The following CHRDL2 variants were observed in gnomAD, a reference collection of about 807,000 sequenced individuals.
CHRDL2 encodes chordin like 2.
CHRDL2 carries 41 observed loss-of-function variants against 54.3 expected under a neutral mutation model. The observed-to-expected ratio is 0.76, with a 90% CI of 0.59 to 0.98. The LOEUF is 0.98. Ranked by LOEUF, CHRDL2 falls within the 50% of genes least tolerant of loss-of-function variation. The pLI, the probability that CHRDL2 is intolerant of heterozygous loss-of-function variation, is 0.00. For synonymous variants in CHRDL2, 220 were observed against 224.3 expected (o/e 0.98, Z 0.17); for missense variants, 518 against 562.4 (o/e 0.92, Z 0.80).
intron 1 of CHRDL2, among the ~76,000 whole-genome samples, chr11:74,725,212 C>T (rs536529148): frequency 2.0e-5 from 3 of 152,236 alleles, no homozygotes; most frequent in South Asian, 2.1e-4. Context: ...AAGATGATCT[C>T]GATCTCTTGA....
Position 74,702,902 on chromosome 11 carries a change from C to T in CHRDL2, c.1012G>A (p.Val338Ile). ...STRCPKAPGR[V>I]LVHTSVSPSP... ...GGGGATACCGATGTGTGGACGAGGA[C>T]CCGGCCCGGTGCCTTGGGACACCTG... is the stretch of plus-strand genomic sequence containing the variant. Residue 338 changes from valine (V) to isoleucine (I), a missense_variant, in exon 9 of 11, where the codon GTC becomes ATC. Coordinates refer to ENST00000376332, the MANE Select transcript of CHRDL2 (RefSeq NM_001278473.3). The T allele has an allele frequency of 1.9e-6, 3 of 1,614,126 alleles. No homozygotes were observed. The South Asian group carries it at 3.3e-5, about 18-fold the overall frequency.
rs146233176 is a variant in CHRDL2 at position 74,710,934 on chromosome 11, G to T, written c.347C>A (p.Thr116Asn). Residue 116 changes from threonine (T) to asparagine (N), a missense_variant, in exon 4 of 11, where the codon ACC (threonine) becomes AAC (asparagine). Coordinates refer to ENST00000376332, the MANE Select transcript of CHRDL2 (RefSeq NM_001278473.3). ...APPKSCQHNG[T>N]MYQHGEIFSA... ...GAAGATCTCTCCGTGTTGGTACATGGTCCCGTTGTGCTGGCAGGACTTTGG... is the reference window on the plus strand; with the variant it reads ...GAAGATCTCTCCGTGTTGGTACATGTTCCCGTTGTGCTGGCAGGACTTTGG... 8.1e-6 allele frequency: 13 copies of T among 1,614,046 alleles called. No individual in the cohort carries two copies. The African/African-American group carries it at 1.6e-4, about 20-fold the overall frequency.
At chr11:74,728,501 G>A (rs1661086235) in intron 1 of CHRDL2, among the ~76,000 whole-genome samples, 1 of 150,922 alleles carries the variant, frequency 6.6e-6, no homozygotes, top group South Asian at 2.1e-4. Context: ...GACAAATCAG[G>A]GTCCAGGACC....
chr11:74,709,936 G>T (rs977211252), intron 4 of CHRDL2, among the ~76,000 whole-genome samples: 4 of 152,206 alleles, frequency 2.6e-5, no homozygotes, highest in African/African-American at 7.2e-5. Flanking sequence ...GACATGCTGG[G>T]CTGGGCGCGG....
intron 5 of CHRDL2, among the ~76,000 whole-genome samples, chr11:74,707,565 G>C (rs756898884): frequency 1.4e-4 from 21 of 152,150 alleles, no homozygotes; most frequent in Non-Finnish European, 2.5e-4. Flanking sequence ...ACTGTGACCA[G>C]CTCTGCCGTC....
In CHRDL2 at chr11:74,706,538, C is replaced by T. The variant is rs1214753343; in HGVS notation, c.531G>A (p.Glu177=). 31 of 1,613,982 alleles carry T rather than the reference C, an allele frequency of 1.9e-5. No homozygotes were observed. The highest frequency in any genetic ancestry group is 1.0e-4 in the Admixed American group (6 of 60,002). ...PDSCCQACKD[E]ASEQSDEEDS... ...CCTCTTCATCCGATTGCTCACTTGC[C>T]TCATCTGAAAACTCAAAGGGAAGCT... The change falls in exon 6 of 11, where the codon GAG becomes GAA. Residue 177 remains glutamate (E), a synonymous_variant. Transcript: ENST00000376332.
chr11:74,730,439 T>C (rs2034633893), intron 1 of CHRDL2, among the ~76,000 whole-genome samples: 1 of 152,198 alleles, frequency 6.6e-6, no homozygotes, highest in African/African-American at 2.4e-5. Flanking sequence ...TTCTGTCCAA[T>C]GGCTCTTTCC....
Position 74,711,000 on chromosome 11 carries a change from G to A in CHRDL2, c.290-9C>T, listed in dbSNP as rs2034176888. 4 of 1,608,912 alleles carry A rather than the reference G, an allele frequency of 2.5e-6. No individual in the cohort carries two copies. In the East Asian group the frequency reaches 8.9e-5, roughly 36 times the overall value. On this transcript the variant is annotated splice_polypyrimidine_tract_variant and intron_variant, in intron 3 of 10. Coordinates refer to ENST00000376332, the MANE Select transcript of CHRDL2 (RefSeq NM_001278473.3). ...AGAGGGAGTGTGAGGTTCTGCAGTGGGGGAGGGGCAGGAGGAAGAAGAAAA... is the reference window on the plus strand; with the variant it reads ...AGAGGGAGTGTGAGGTTCTGCAGTGAGGGAGGGGCAGGAGGAAGAAGAAAA...
chr11:74,712,053 G>A (rs144315627), intron 3 of CHRDL2, among the ~76,000 whole-genome samples: 3,132 of 151,942 alleles, frequency 0.021, 98 homozygotes, highest in African/African-American at 0.072. Context: ...CTTGTGATCC[G>A]CCCGCCTCGG....
At chr11:74,721,440 C>T (rs2034498334) in intron 1 of CHRDL2, among the ~76,000 whole-genome samples, 1 of 152,210 alleles carries the variant, frequency 6.6e-6, no homozygotes, top group Non-Finnish European at 1.5e-5. Flanking sequence ...GAGGCCCCTT[C>T]CCCCCACCAA....
At chr11:74,724,153 C>G (rs183201036) in intron 1 of CHRDL2, among the ~76,000 whole-genome samples, 22 of 152,338 alleles carry the variant, frequency 1.4e-4, no homozygotes, top group African/African-American at 4.8e-4. Flanking sequence ...TAGGAACATG[C>G]CTGAGCTGGA....
At chr11:74,704,207 G>A (rs4944940) in intron 7 of CHRDL2, among the ~76,000 whole-genome samples, 5,812 of 152,212 alleles carry the variant, frequency 0.038, 134 homozygotes, top group South Asian at 0.057. Context: ...GCAAAGACTC[G>A]GTAGATGCTA....
intron 9 of CHRDL2, chr11:74,698,700 CACACACACACACACACACACA>C (rs1565145977): frequency 2.0e-5 from 3 of 153,260 alleles, no homozygotes; most frequent in African/African-American, 7.3e-5. Flanking sequence ...CACACACACA[CACACACACACACACACACACA>C]CCCCACATAC....
intron 5 of CHRDL2, among the ~76,000 whole-genome samples, chr11:74,708,033 C>T (rs1161880431): frequency 6.6e-6 from 1 of 152,196 alleles, no homozygotes; most frequent in East Asian, 1.9e-4. Context: ...AGCCCCTGGA[C>T]ATATTCCTGT....
intron 2 of CHRDL2, among the ~76,000 whole-genome samples, chr11:74,716,540 CAAAAAAAAAA>C (rs751918696): frequency 0.021 from 1,203 of 57,664 alleles, 8 homozygotes; most frequent in Non-Finnish European, 0.031. Flanking sequence ...ACTCCATCTC[CAAAAAAAAAA>C]AAAAAAAAAG....
At chr11:74,723,782 C>T (rs1826778807) in intron 1 of CHRDL2, among the ~76,000 whole-genome samples, 1 of 152,134 alleles carries the variant, frequency 6.6e-6, no homozygotes, top group African/African-American at 2.4e-5. Flanking sequence ...AGAGGGATGG[C>T]AACAGAATTC....
At chr11:74,702,154 G>A (rs879447686) in intron 9 of CHRDL2, among the ~76,000 whole-genome samples, 4 of 152,056 alleles carry the variant, frequency 2.6e-5, no homozygotes, top group African/African-American at 7.3e-5. Context: ...TACTCAGGAG[G>A]CTGAGATGGG....
In CHRDL2 at chr11:74,702,820, T is replaced by G. The variant is rs757341134; in HGVS notation, c.1094A>C (p.Glu365Ala). Residue 365 changes from glutamate (E) to alanine (A), a missense_variant, in exon 9 of 11, where the codon GAG becomes GCG. Glu to Ala is a moderately radical substitution (Grantham distance 107). Transcript: ENST00000376332. ...TTTTACCAGCTTCCAGAGGTAGATCTCCACCAAGTCCGAGGCCTCGTGTTC... is the reference window on the plus strand; with the variant it reads ...TTTTACCAGCTTCCAGAGGTAGATCGCCACCAAGTCCGAGGCCTCGTGTTC... ...ALEHEASDLV[E>A]IYLWKLVKGI... The G allele has an allele frequency of 6.2e-7, 1 of 1,613,950 alleles. No individual in the cohort carries two copies. The highest frequency in any genetic ancestry group is 8.5e-7 in the Non-Finnish European group (1 of 1,180,014).
At chr11:74,698,399 ACTCCTACCTGTG>A (rs1260608843) in intron 9 of CHRDL2, 7 of 151,288 alleles carry the variant, frequency 4.6e-5, no homozygotes, top group African/African-American at 1.7e-4. Flanking sequence ...CACCAAATGA[ACTCCTACCTGTG>A]CTCCAAGCCT....
Sources: allele counts gnomAD v4.1 joint callset (sites outside exome capture counted in the v4.1 genomes callset), GRCh38; gene constraint gnomAD v4.1.1; transcripts MANE v1.5; gene names NCBI Gene and HGNC (gene_info 2026-07-23, HGNC 2026-07-21).